The following HTR3A variants were observed in gnomAD, a reference collection of about 807,000 sequenced individuals.
HTR3A encodes 5-hydroxytryptamine (serotonin) receptor 3A, ionotropic.
A neutral mutation model predicts 54.8 loss-of-function variants in HTR3A; 45 were observed. That is an observed-to-expected ratio of 0.82 (90% confidence interval 0.65 to 1.05). The LOEUF (loss-of-function observed/expected upper bound fraction) is 1.05, where lower values mean the gene tolerates loss of function less well. Ranked by LOEUF, HTR3A falls within the 50% of genes least tolerant of loss-of-function variation. The pLI is 0.00. For missense variants in HTR3A, 657 were observed against 614.0 expected, an observed-to-expected ratio of 1.07 and a Z score of -0.74; for synonymous variants, 297 against 256.0, an observed-to-expected ratio of 1.16 and a Z score of -1.53.
rs770614768 is a variant in HTR3A, at chr11:113,977,879, C to T, written c.176C>T (p.Thr59Ile). 3 of 1,614,190 alleles carry T rather than the reference C, an allele frequency of 1.9e-6. No individual in the cohort carries two copies. Among genetic ancestry groups the T allele is most frequent in the Non-Finnish European group, 8.5e-7 (1 of 1,180,030 alleles). ...CCCGTGAGGGACTGGAGGAAGCCAA[C>T]CACCGTATCCATTGACGTCATTGTC... ...VRPVRDWRKP[T>I]TVSIDVIVYA... Residue 59 changes from threonine (T) to isoleucine (I), a missense_variant, in exon 2 of 9, where the codon ACC (threonine) becomes ATC (isoleucine). Transcript: ENST00000504030.
chr11:113,978,061 T>G (rs1950376014), intron 2 of HTR3A, 139 bp downstream of exon 2: 1 of 1,027,066 alleles, frequency 9.7e-7, no homozygotes, highest in African/African-American at 1.6e-5. Flanking sequence ...CAGCTCAGGA[T>G]GGATTGTAGC....
At chr11:113,975,979 T>C (rs980777281) in intron 1 of HTR3A, among the ~76,000 whole-genome samples, 1 of 152,144 alleles carries the variant, frequency 6.6e-6, no homozygotes, top group African/African-American at 2.4e-5. Context: ...TCTCTCCACA[T>C]TCGCTACACC....
intron 2 of HTR3A, among the ~76,000 whole-genome samples, chr11:113,978,920 T>G (rs1950387686): frequency 1.3e-5 from 2 of 151,892 alleles, no homozygotes; most frequent in African/African-American, 4.8e-5. Flanking sequence ...ACCTGGGAGG[T>G]GGAGGTTGCA....
chr11:113,975,939 T>A (rs1950345782), intron 1 of HTR3A, among the ~76,000 whole-genome samples: 1 of 152,148 alleles, frequency 6.6e-6, no homozygotes, highest in Non-Finnish European at 1.5e-5. Flanking sequence ...CAAGTTCCTT[T>A]CCAGGACTAA....
chr11:113,978,060 A>G, intron 2 of HTR3A, 138 bp downstream of exon 2: 4 of 1,037,454 alleles, frequency 3.9e-6, no homozygotes, highest in Non-Finnish European at 4.4e-6. Flanking sequence ...ACAGCTCAGG[A>G]TGGATTGTAG....
At chr11:113,979,151 G>T (rs917715929) in intron 2 of HTR3A, 82 bp from the exon 3 acceptor site, 10 of 1,055,712 alleles carry the variant, frequency 9.5e-6, no homozygotes, top group Admixed American at 6.8e-5. Context: ...ACACAAGGAA[G>T]CCCCTCCTTT....
chr11:113,976,265 C>T (rs906995828), intron 1 of HTR3A, among the ~76,000 whole-genome samples: 1 of 152,078 alleles, frequency 6.6e-6, no homozygotes, highest in Non-Finnish European at 1.5e-5. Flanking sequence ...TCGAGGGCTT[C>T]CTTGACTGAG....
At chr11:113,979,882 A>G (rs1299711812) in intron 3 of HTR3A, among the ~76,000 whole-genome samples, 2 of 152,186 alleles carry the variant, frequency 1.3e-5, no homozygotes, top group Non-Finnish European at 2.9e-5. Flanking sequence ...AGGAGAAACT[A>G]AAGTGGCTGA....
rs1950489044 is a variant in HTR3A, at chr11:113,986,178, G to A, written c.705+3G>A. 9.9e-6 allele frequency: 16 copies of A among 1,614,074 alleles called. No individual in the cohort carries two copies. Among genetic ancestry groups the A allele is most frequent in the Non-Finnish European group, 1.4e-5 (16 of 1,180,034 alleles). On this transcript the variant is annotated splice_donor_region_variant and intron_variant, in intron 6 of 8. Transcript: ENST00000504030. ...ACTATGCAGAAATGAAGTTCTATGTGAGTGGGAGTGAATGTGGGTAAAATG... is the reference window on the plus strand; with the variant it reads ...ACTATGCAGAAATGAAGTTCTATGTAAGTGGGAGTGAATGTGGGTAAAATG...
At chr11:113,984,129 C>T (rs1950459340) in intron 5 of HTR3A, among the ~76,000 whole-genome samples, 2 of 152,134 alleles carry the variant, frequency 1.3e-5, no homozygotes, top group Non-Finnish European at 2.9e-5. Flanking sequence ...CAGCTGCTCC[C>T]CCCAACCACA....
intron 8 of HTR3A, among the ~76,000 whole-genome samples, chr11:113,988,794 A>T (rs1040360159): frequency 1.1e-4 from 17 of 152,184 alleles, no homozygotes; most frequent in African/African-American, 3.9e-4. Context: ...AAACAAACAA[A>T]CAAACAGAAT....
In HTR3A at chr11:113,989,631, C is replaced by A. The variant is rs774957688; in HGVS notation, c.1305C>A (p.Ile435=). 1.1e-5 allele frequency: 17 copies of A among 1,614,078 alleles called. No individual in the cohort carries two copies. The Admixed American group carries it at 2.8e-4, about 27-fold the overall frequency. Residue 435 remains isoleucine (I), a synonymous_variant, in exon 9 of 9, where the codon ATC becomes ATA. Coordinates refer to ENST00000504030, the MANE Select transcript of HTR3A (RefSeq NM_000869.6). This position sits in a 1 kb window ranked among gnomAD's most constrained non-coding sequence, Gnocchi z 4.4. The stretch of plus-strand genomic sequence containing the variant: ...AATTCCTGGAAAAGCGGGATGAGAT[C>A]CGAGAGGTGGCCCGAGACTGGCTGC... ...IRQFLEKRDE[I]REVARDWLRV... is the part of the protein sequence containing the mutation.
chr11:113,978,003 C>A, intron 2 of HTR3A, 81 bp downstream of exon 2: 2 of 1,525,056 alleles, frequency 1.3e-6, no homozygotes, highest in Admixed American at 1.7e-5. Flanking sequence ...ACCCCCTATG[C>A]AGCTTGTTAG....
At chr11:113,988,692 A>G (rs765371784) in intron 8 of HTR3A, among the ~76,000 whole-genome samples, 5 of 152,152 alleles carry the variant, frequency 3.3e-5, no homozygotes, top group Non-Finnish European at 7.3e-5. Flanking sequence ...TGAACTCGGG[A>G]GGCAGAGGTT....
intron 1 of HTR3A, chr11:113,977,450 C>G (rs1401995247): frequency 2.6e-6 from 3 of 1,172,200 alleles, no homozygotes; most frequent in African/African-American, 2.1e-5. Flanking sequence ...GCTTAGGCCC[C>G]GTGGGCCACC....
At position 113,979,297 on chromosome 11, in the gene HTR3A, C is replaced by T. The variant is rs1210477824; in HGVS notation, c.264+20C>T. The T allele has an allele frequency of 9.4e-6, 15 of 1,597,630 alleles. No homozygotes were observed. Among genetic ancestry groups the T allele is most frequent in the Non-Finnish European group, 1.2e-5 (14 of 1,166,646 alleles). On this transcript the variant is annotated intron_variant, in intron 3 of 8. Coordinates refer to ENST00000504030, the MANE Select transcript of HTR3A (RefSeq NM_000869.6). ...CGGCAGGTGAGCAGACCCGCCCCTC[C>T]CTGCCCCCGTTACCCATCCTCCTGG...
chr11:113,988,151 T>C (rs1473314586), intron 8 of HTR3A, among the ~76,000 whole-genome samples: 1 of 152,222 alleles, frequency 6.6e-6, no homozygotes, highest in Admixed American at 6.5e-5. Flanking sequence ...GCCAGGCCCT[T>C]TACATGAGAT....
At chr11:113,977,628 G>T in intron 1 of HTR3A, 143 bp from the exon 2 acceptor site, 8 of 1,497,924 alleles carry the variant, frequency 5.3e-6, no homozygotes, top group Non-Finnish European at 7.3e-6. Context: ...TGCTCTAGTG[G>T]TGAGAATGTC....
chr11:113,976,557 A>G (rs1053486213), intron 1 of HTR3A, among the ~76,000 whole-genome samples: 4 of 135,564 alleles, frequency 3.0e-5, no homozygotes, highest in African/African-American at 1.1e-4. Flanking sequence ...CAAAGGAGAC[A>G]CTTAAAAAAT....
Sources: allele counts gnomAD v4.1 joint callset (sites outside exome capture counted in the v4.1 genomes callset), GRCh38; gene constraint gnomAD v4.1.1; non-coding constraint Gnocchi (gnomAD v3.1); transcripts MANE v1.5; gene names NCBI Gene and HGNC (gene_info 2026-07-23, HGNC 2026-07-21).